The following FBXL13 variants were observed in gnomAD, a reference collection of about 807,000 sequenced individuals.
FBXL13 encodes the protein F-box and leucine rich repeat protein 13, also known as F-box and leucine-rich repeat protein 13.
FBXL13 carries 67 observed loss-of-function variants against 83.6 expected under a neutral mutation model. The ratio of observed to expected loss-of-function variants is 0.80; its 90% CI spans 0.66 to 0.98. The LOEUF is 0.98. FBXL13 is among the 50% of genes least tolerant of loss of function. The pLI, the probability that FBXL13 is intolerant of heterozygous loss-of-function variation, is 0.00. For synonymous variants in FBXL13, 272 were observed against 299.5 expected (o/e 0.91, Z 0.95); for missense variants, 822 against 866.5 (o/e 0.95, Z 0.64).
At chr7:102,865,566 G>A (rs528349956) in intron 16 of FBXL13, among the ~76,000 whole-genome samples, 2 of 151,514 alleles carry the variant, frequency 1.3e-5, no homozygotes, top group Admixed American at 6.6e-5. Flanking sequence ...TGTTTGAGAC[G>A]GAGTCTTGCT....
exon 18 of FBXL13, chr7:102,832,844 G>A (rs1800962742): frequency 3.1e-6 from 5 of 1,614,146 alleles, no homozygotes; most frequent in Non-Finnish European, 4.2e-6. Context: ...ACATACCTTT[G>A]GACAGCCAGC....
chr7:102,914,118 T>C lies in FBXL13; in HGVS notation c.879-903A>G, dbSNP rs548714502. ...CTCTTGTTGCCCAGCTGGAGTACAATGGTGAGATCTTGGCTCACTGCAACC... is the reference window on the plus strand; with the variant it reads ...CTCTTGTTGCCCAGCTGGAGTACAACGGTGAGATCTTGGCTCACTGCAACC... On this transcript the variant is annotated intron_variant, in intron 10 of 19. Coordinates refer to ENST00000313221, the Ensembl canonical transcript of FBXL13. Among the ~76,000 whole-genome samples, 3 of 152,318 alleles carry C rather than the reference T, an allele frequency of 2.0e-5. No homozygotes were observed. The East Asian group carries it at 5.8e-4, about 29-fold the overall frequency.
chr7:103,039,934 C>A (rs1046121050), intron 2 of FBXL13, among the ~76,000 whole-genome samples: 5 of 151,784 alleles, frequency 3.3e-5, no homozygotes, highest in Non-Finnish European at 1.5e-5. Context: ...GGCAAAATAA[C>A]CAGCTAATAT....
intron 6 of FBXL13, among the ~76,000 whole-genome samples, chr7:102,989,852 A>T (rs1315405159): frequency 6.6e-6 from 1 of 152,216 alleles, no homozygotes; most frequent in Admixed American, 6.5e-5. Flanking sequence ...CCTGTAAAAG[A>T]GGTTGGATCA....
chr7:102,990,889 G>A (rs927484977), intron 6 of FBXL13, among the ~76,000 whole-genome samples: 5 of 152,226 alleles, frequency 3.3e-5, no homozygotes, highest in African/African-American at 1.2e-4. Context: ...GAATGCAGCT[G>A]AGAGGTAGTG....
chr7:103,033,465 G>C (rs967864398), intron 2 of FBXL13, among the ~76,000 whole-genome samples: 15 of 152,258 alleles, frequency 9.9e-5, no homozygotes, highest in Non-Finnish European at 1.5e-4. Context: ...TCTTAAAGGC[G>C]GCGTGTCTGG....
At chr7:102,961,432 T>G in intron 8 of FBXL13, among the ~76,000 whole-genome samples, 1 of 149,812 alleles carries the variant, frequency 6.7e-6, no homozygotes, top group African/African-American at 2.5e-5. Flanking sequence ...ACAGATTCAA[T>G]GCCATCCCCA....
intron 6 of FBXL13, among the ~76,000 whole-genome samples, chr7:102,971,416 G>T (rs777582518): frequency 1.3e-5 from 2 of 151,856 alleles, no homozygotes; most frequent in Non-Finnish European, 2.9e-5. Flanking sequence ...TGACCAAGAT[G>T]AAGAAACCCC....
At chr7:102,815,880 G>A (rs900516031) in intron 19 of FBXL13, among the ~76,000 whole-genome samples, 14 of 152,268 alleles carry the variant, frequency 9.2e-5, no homozygotes, top group Non-Finnish European at 1.2e-4. Flanking sequence ...CAATTAGCAA[G>A]TAGTGGGGGT....
At chr7:102,867,707 T>A (rs1477023213) in intron 16 of FBXL13, among the ~76,000 whole-genome samples, 19 of 123,538 alleles carry the variant, frequency 1.5e-4, no homozygotes, top group South Asian at 2.7e-4. Context: ...TTTTTTTTTT[T>A]TTTTTTTTTT....
chr7:102,926,164 A>G, intron 10 of FBXL13, 110 bp downstream of exon 11: 1 of 795,162 alleles, frequency 1.3e-6, no homozygotes, highest in Non-Finnish European at 2.0e-6. Context: ...GCAGTGCCAC[A>G]GTGGTGGGGT....
chr7:103,023,108 C>G (rs1275000175), intron 6 of FBXL13, among the ~76,000 whole-genome samples: 7 of 152,130 alleles, frequency 4.6e-5, no homozygotes, highest in African/African-American at 1.4e-4. Context: ...AACCCCGCCT[C>G]TACTAAAAAT....
chr7:102,901,447 A>G (rs947301227), intron 11 of FBXL13, among the ~76,000 whole-genome samples: 18 of 152,296 alleles, frequency 1.2e-4, no homozygotes, highest in Middle Eastern at 3.4e-3. Flanking sequence ...AAAATGTACA[A>G]TTAAGTATTA....
At chr7:102,816,839 T>A (rs2129444935) in intron 19 of FBXL13, among the ~76,000 whole-genome samples, 1 of 152,302 alleles carries the variant, frequency 6.6e-6, no homozygotes, top group Middle Eastern at 3.4e-3. Flanking sequence ...GCTCCTACTT[T>A]TAAGTGAGAA....
chr7:102,931,207 A>C (rs75155920), intron 9 of FBXL13, among the ~76,000 whole-genome samples: 5,267 of 152,340 alleles, frequency 0.035, 292 homozygotes, highest in East Asian at 0.17. Context: ...TGGAGCATGC[A>C]GGAAAAGGAA....
chr7:102,812,250 C>A (rs1047854069), downstream of FBXL13, among the ~76,000 whole-genome samples: 4 of 152,212 alleles, frequency 2.6e-5, no homozygotes, highest in Admixed American at 6.5e-5. Context: ...AGCACATATA[C>A]TAAAACCTAC....
chr7:102,915,816 C>T (rs1450436853), intron 10 of FBXL13, among the ~76,000 whole-genome samples: 1 of 152,064 alleles, frequency 6.6e-6, no homozygotes, highest in African/African-American at 2.4e-5. Context: ...CTAATAACTG[C>T]TGTGATTGTG....
At chr7:103,010,471 C>T (rs1476421687) in intron 6 of FBXL13, among the ~76,000 whole-genome samples, 2 of 152,112 alleles carry the variant, frequency 1.3e-5, no homozygotes, top group African/African-American at 2.4e-5. Context: ...GGGTGGGCAA[C>T]TCCACCCACC....
At chr7:103,038,512 A>G (rs1795311915) in intron 2 of FBXL13, among the ~76,000 whole-genome samples, 1 of 152,254 alleles carries the variant, frequency 6.6e-6, no homozygotes, top group Non-Finnish European at 1.5e-5. Context: ...TGCCTCCTCA[A>G]GCAGGTCCCT....
Sources: gnomAD v4.1 joint callset for allele counts (sites outside exome capture counted in the v4.1 genomes callset) on GRCh38, gnomAD v4.1.1 for gene constraint, MANE v1.5 for transcripts, NCBI Gene and HGNC (gene_info 2026-07-23, HGNC 2026-07-21) for gene names.